The following ATXN1 variants were observed in gnomAD, a reference collection of about 807,000 sequenced individuals.
The protein encoded by ATXN1 is ataxin-1.
ATXN1 carries 8 observed loss-of-function variants against 56.4 expected under a neutral mutation model. The observed-to-expected ratio is 0.14, with a 90% CI of 0.08 to 0.26. The LOEUF (loss-of-function observed/expected upper bound fraction) is 0.26, where lower values mean the gene tolerates loss of function less well. ATXN1 is among the 10% of genes least tolerant of loss of function. ATXN1 has a pLI of 1.00. For synonymous variants in ATXN1, 514 were observed against 494.6 expected, an observed-to-expected ratio of 1.04 and a Z score of -0.52; for missense variants, 987 against 1,106.5, an observed-to-expected ratio of 0.89 and a Z score of 1.53.
chr6:16,478,144 T>C (rs1349163430), intron 6 of ATXN1, among the ~76,000 whole-genome samples: 1 of 152,218 alleles, frequency 6.6e-6, no homozygotes, highest in African/African-American at 2.4e-5. Context: ...GATTGGCAGC[T>C]AATCTGTCCC....
intron 3 of ATXN1, among the ~76,000 whole-genome samples, chr6:16,635,151 G>A (rs1017106444): frequency 3.3e-5 from 5 of 152,090 alleles, no homozygotes; most frequent in African/African-American, 1.2e-4. Flanking sequence ...ACCCTATTGT[G>A]AACTGCACAT....
chr6:16,504,890 A>G (rs1760952830), intron 5 of ATXN1, among the ~76,000 whole-genome samples: 1 of 152,094 alleles, frequency 6.6e-6, no homozygotes, highest in Admixed American at 6.6e-5. Context: ...TCCTGGGGGA[A>G]AGAGCTGCAA....
intron 2 of ATXN1, among the ~76,000 whole-genome samples, chr6:16,731,863 C>A (rs1378336352): frequency 6.6e-6 from 1 of 151,972 alleles, no homozygotes; most frequent in Non-Finnish European, 1.5e-5. Flanking sequence ...AAACACTCTA[C>A]ACATTTCCTG....
chr6:16,604,817 C>T (rs1762974852), intron 3 of ATXN1, among the ~76,000 whole-genome samples: 1 of 151,990 alleles, frequency 6.6e-6, no homozygotes, highest in Non-Finnish European at 1.5e-5. Flanking sequence ...AAACTCCTGC[C>T]CTAAGCAATC....
At chr6:16,598,339 G>A (rs1762852626) in intron 3 of ATXN1, among the ~76,000 whole-genome samples, 6 of 152,172 alleles carry the variant, frequency 3.9e-5, no homozygotes, top group Admixed American at 3.9e-4. Context: ...TTTGTTTAAA[G>A]ATGTTTTCTC....
intron 3 of ATXN1, among the ~76,000 whole-genome samples, chr6:16,657,403 T>C (rs945967340): frequency 6.6e-6 from 1 of 152,226 alleles, no homozygotes; most frequent in Non-Finnish European, 1.5e-5. Context: ...GCCATTAAAT[T>C]GAATCTACTT....
chr6:16,419,090 T>C (rs1035625652), intron 6 of ATXN1, among the ~76,000 whole-genome samples: 3 of 152,176 alleles, frequency 2.0e-5, no homozygotes, highest in African/African-American at 7.2e-5. Flanking sequence ...ATGGTACATA[T>C]GTCTTACAAC....
intron 5 of ATXN1, among the ~76,000 whole-genome samples, chr6:16,521,305 T>A (rs1761283750): frequency 6.6e-6 from 1 of 152,228 alleles, no homozygotes; most frequent in Non-Finnish European, 1.5e-5. Context: ...GGCTCACGCC[T>A]GTAATCCCAG....
At chr6:16,603,939 T>C (rs1267597001) in intron 3 of ATXN1, among the ~76,000 whole-genome samples, 1 of 152,028 alleles carries the variant, frequency 6.6e-6, no homozygotes, top group East Asian at 1.9e-4. Context: ...GGGGACCGAG[T>C]CCTATGAGTT....
chr6:16,665,181 C>G (rs550894181), intron 2 of ATXN1, among the ~76,000 whole-genome samples: 3 of 152,116 alleles, frequency 2.0e-5, no homozygotes, highest in Non-Finnish European at 2.9e-5. Flanking sequence ...TACCAAAACT[C>G]AATAAGTGGT....
chr6:16,534,414 G>A (rs1429698494), intron 4 of ATXN1, among the ~76,000 whole-genome samples: 1 of 150,668 alleles, frequency 6.6e-6, no homozygotes, highest in African/African-American at 2.4e-5. Context: ...ATAAATTCAG[G>A]GTAAGGGTAC....
Position 16,347,187 on chromosome 6 carries a change from G to A in ATXN1, c.-160-18717C>T, listed in dbSNP as rs1011187835. The stretch of plus-strand genomic sequence containing the variant: ...CGAGCGCCGCCCCCTGCTCCACAGC[G>A]CCCAGTCCCATCGACCACCCAAGGA... On this transcript the variant is annotated intron_variant, in intron 6 of 7. Coordinates refer to ENST00000436367, the MANE Select transcript of ATXN1 (RefSeq NM_001128164.2). Among the ~76,000 whole-genome samples the A allele has an allele frequency of 2.6e-4, 39 of 152,306 alleles. 1 individual carries two copies. The highest frequency in any genetic ancestry group is 2.6e-4 in the Non-Finnish European group (18 of 68,020).
intron 6 of ATXN1, among the ~76,000 whole-genome samples, chr6:16,461,862 G>A (rs1760006518): frequency 6.6e-6 from 1 of 151,990 alleles, no homozygotes; most frequent in African/African-American, 2.4e-5. Context: ...TTAAGGAAAC[G>A]AACACAAGAA....
intron 3 of ATXN1, among the ~76,000 whole-genome samples, chr6:16,646,061 A>C (rs1205629626): frequency 6.6e-6 from 1 of 152,166 alleles, no homozygotes; most frequent in Non-Finnish European, 1.5e-5. Flanking sequence ...TCTACAAAAA[A>C]AAAATTAAAA....
chr6:16,383,439 G>A (rs1037792290), intron 6 of ATXN1, among the ~76,000 whole-genome samples: 13 of 152,060 alleles, frequency 8.5e-5, no homozygotes, highest in Non-Finnish European at 1.3e-4. Flanking sequence ...TGGGAGAGGC[G>A]ATAGAATATG....
At chr6:16,643,770 C>T (rs1763752526) in intron 3 of ATXN1, among the ~76,000 whole-genome samples, 1 of 151,756 alleles carries the variant, frequency 6.6e-6, no homozygotes, top group African/African-American at 2.4e-5. Flanking sequence ...GAAACTATGT[C>T]TCAGAAAGAG....
Position 16,655,807 on chromosome 6 carries a change from G to A in ATXN1, c.-489+1969C>T, listed in dbSNP as rs567766358. The stretch of plus-strand genomic sequence containing the variant: ...TGCAAGGGAATAAATTATTTACTGC[G>A]GGCCGGGTGCAGTGGTTCACATCTG... On this transcript the variant is annotated intron_variant, in intron 3 of 7. Transcript: ENST00000436367. 3.2e-4 allele frequency among the ~76,000 whole-genome samples: 48 copies of A among 151,628 alleles called. No homozygotes were observed. The East Asian group carries it at 3.5e-3, about 11-fold the overall frequency.
chr6:16,595,836 C>T (rs1377118473), intron 3 of ATXN1, among the ~76,000 whole-genome samples: 1 of 152,166 alleles, frequency 6.6e-6, no homozygotes, highest in African/African-American at 2.4e-5. Flanking sequence ...TCTTATGCCT[C>T]TTATTAAATT....
At position 16,660,179 on chromosome 6, in the gene ATXN1, G is replaced by A. The variant is rs151046402; in HGVS notation, c.-614-2278C>T. Among the ~76,000 whole-genome samples, 26 of 152,138 alleles carry A rather than the reference G, an allele frequency of 1.7e-4. No individual in the cohort carries two copies. The South Asian group carries it at 3.3e-3, about 19-fold the overall frequency. On this transcript the variant is annotated intron_variant, in intron 2 of 7. Coordinates refer to ENST00000436367, the MANE Select transcript of ATXN1 (RefSeq NM_001128164.2). ...TTTCAGCAAACTCTTTATCAATACC[G>A]TTAATAATAATCAACAAAACAAACT... is the stretch of plus-strand genomic sequence containing the variant.
Sources: gnomAD v4.1 joint callset for allele counts (sites outside exome capture counted in the v4.1 genomes callset) on GRCh38, gnomAD v4.1.1 for gene constraint, MANE v1.5 for transcripts, NCBI Gene and HGNC (gene_info 2026-07-23, HGNC 2026-07-21) for gene names.